The following CAPN2 variants were observed in gnomAD, a reference collection of about 807,000 sequenced individuals.
The protein encoded by CAPN2 is calpain-2 catalytic subunit.
Under a neutral mutation model 102.3 loss-of-function variants are expected in CAPN2, and 92 were observed. The ratio of observed to expected loss-of-function variants is 0.90; its 90% CI spans 0.76 to 1.07. CAPN2 has a LOEUF of 1.07. Ranked by LOEUF, CAPN2 falls within the 50% of genes least tolerant of loss-of-function variation. The pLI is 0.00. For missense variants in CAPN2, 800 were observed against 909.4 expected, an observed-to-expected ratio of 0.88 and a Z score of 1.55; for synonymous variants, 340 against 355.4, an observed-to-expected ratio of 0.96 and a Z score of 0.49.
chr1:223,758,928 G>A (rs979475588), intron 11 of CAPN2: 9 of 330,142 alleles, frequency 2.7e-5, no homozygotes, highest in East Asian at 7.4e-5. Flanking sequence ...TCCTGGCCTC[G>A]AGCAATCCTC....
chr1:223,763,802 C>G (rs1019426265), intron 14 of CAPN2, among the ~76,000 whole-genome samples: 1 of 152,168 alleles, frequency 6.6e-6, no homozygotes. Flanking sequence ...AGGCTGGGCA[C>G]AGTGGCTCAC....
At chr1:223,720,315 C>CTCTCTTTTTTTTTTT in intron 2 of CAPN2, among the ~76,000 whole-genome samples, 1 of 107,490 alleles carries the variant, frequency 9.3e-6, no homozygotes, top group South Asian at 3.0e-4. Flanking sequence ...CTCTTTCTCT[C>CTCTCTTTTTTTTTTT]TTTTTTTTTT....
chr1:223,773,634 C>T (rs1007291327), intron 20 of CAPN2, among the ~76,000 whole-genome samples: 6 of 152,028 alleles, frequency 3.9e-5, no homozygotes, highest in Middle Eastern at 3.4e-3. Context: ...GCGGAGGTTG[C>T]GGCGAGCTGA....
intron 4 of CAPN2, 109 bp downstream of exon 4, chr1:223,745,548 A>C: frequency 7.8e-7 from 1 of 1,286,634 alleles, no homozygotes; most frequent in Non-Finnish European, 1.1e-6. Context: ...AGGTGGGTGG[A>C]TCATTTGAGG....
intron 16 of CAPN2, among the ~76,000 whole-genome samples, chr1:223,767,202 A>G (rs61824002): frequency 0.21 from 32,482 of 151,612 alleles, 3,666 homozygotes; most frequent in Non-Finnish European, 0.25. Flanking sequence ...ATTTTTTATT[A>G]TTATACTTTA....
At chr1:223,702,105 A>AGAAGGAAGGAAGGAAG (rs372361537) in intron 1 of CAPN2, among the ~76,000 whole-genome samples, 1,848 of 84,472 alleles carry the variant, frequency 0.022, 81 homozygotes, top group African/African-American at 0.075. Context: ...AAAGAAGGAA[A>AGAAGGAAGGAAGGAAG]GAAGGAAGGA....
Position 223,725,691 on chromosome 1 carries a change from G to A in CAPN2, c.307+7860G>A, listed in dbSNP as rs142148859. ...AGGTGGTGTCCCAGGGGGAAGGTCC[G>A]GAAACTCAGAGGAGTTTCCTGCTGT... On this transcript the variant is annotated intron_variant, in intron 2 of 20. Coordinates refer to ENST00000295006, the MANE Select transcript of CAPN2 (RefSeq NM_001748.5). This position sits in a 1 kb window ranked among gnomAD's most constrained non-coding sequence, Gnocchi z 4.1. 7.4e-4 allele frequency among the ~76,000 whole-genome samples: 112 copies of A among 152,216 alleles called. No homozygotes were observed. The highest frequency in any genetic ancestry group is 1.8e-3 in the Admixed American group (27 of 15,296).
At position 223,775,828 on chromosome 1, in the gene CAPN2, T is replaced by A. The variant is rs1661606014; in HGVS notation, c.*971T>A. The A allele has an allele frequency of 6.6e-6, 1 of 152,626 alleles. No homozygotes were observed. Among genetic ancestry groups the A allele is most frequent in the Admixed American group, 6.5e-5 (1 of 15,274 alleles). The allele number at this position is 152,626 out of a possible 1,614,324, so 9.5% of individuals were successfully genotyped here. ...GTACTGTTAAATAAAAATAAAGGGTTACCCCATGCAATCACACCATGCCAT... is the reference window on the plus strand; with the variant it reads ...GTACTGTTAAATAAAAATAAAGGGTAACCCCATGCAATCACACCATGCCAT... On this transcript the variant is annotated 3_prime_UTR_variant, in exon 21 of 21. Coordinates refer to ENST00000295006, the MANE Select transcript of CAPN2 (RefSeq NM_001748.5).
chr1:223,715,078 T>C (rs941077729), intron 1 of CAPN2, among the ~76,000 whole-genome samples: 1 of 152,188 alleles, frequency 6.6e-6, no homozygotes, highest in African/African-American at 2.4e-5. Flanking sequence ...AGTCTGTGCA[T>C]GTTGAGCCTA....
At position 223,755,686 on chromosome 1, in the gene CAPN2, T is replaced by G. The variant is rs769453266; in HGVS notation, c.1305+37T>G. On this transcript the variant is annotated intron_variant, in intron 10 of 20. Transcript: ENST00000295006. The surrounding 1 kb of genome is among the most constrained non-coding windows in gnomAD (Gnocchi z 4.1). ...AGGGGCTCCTGCCCTCCCTTCCCCATGTGTTCATCTCAGCCCCTGCATGGA... is the reference window on the plus strand; with the variant it reads ...AGGGGCTCCTGCCCTCCCTTCCCCAGGTGTTCATCTCAGCCCCTGCATGGA... 26 of 1,520,400 alleles carry G rather than the reference T, an allele frequency of 1.7e-5. No homozygotes were observed. Among genetic ancestry groups the G allele is most frequent in the Non-Finnish European group, 2.2e-5 (25 of 1,131,874 alleles). The allele number at this position is 1,520,400 out of a possible 1,614,324, so 94.2% of individuals were successfully genotyped here. A position where few individuals can be genotyped will look rare whatever the true frequency, so the allele number is the denominator to read the frequency against.
chr1:223,744,516 A>G (rs1442808029), intron 3 of CAPN2, among the ~76,000 whole-genome samples: 2 of 152,100 alleles, frequency 1.3e-5, no homozygotes, highest in African/African-American at 2.4e-5. Context: ...GATGTTTGAG[A>G]CAAAAACGTT....
At chr1:223,763,792 A>G (rs1661245079) in intron 14 of CAPN2, among the ~76,000 whole-genome samples, 1 of 152,198 alleles carries the variant, frequency 6.6e-6, no homozygotes, top group South Asian at 2.1e-4. Context: ...CACCGTATCT[A>G]GGCTGGGCAC....
At chr1:223,751,001 C>T (rs1005326357) in intron 7 of CAPN2, 26 bp downstream of exon 7, 5 of 1,538,710 alleles carry the variant, frequency 3.2e-6, no homozygotes, top group Non-Finnish European at 4.4e-6. Flanking sequence ...GCCTCGGGGC[C>T]CCAGGCGGGG....
intron 20 of CAPN2, chr1:223,772,448 G>A (rs1661507545): frequency 5.6e-6 from 3 of 535,696 alleles, no homozygotes; most frequent in East Asian, 2.9e-5. Flanking sequence ...CAAAATGCAC[G>A]CCTGGCTCCC....
intron 2 of CAPN2, among the ~76,000 whole-genome samples, chr1:223,724,422 G>A (rs1423117205): frequency 6.6e-6 from 1 of 152,200 alleles, no homozygotes; most frequent in Admixed American, 6.5e-5. Context: ...TTCTAGTGAT[G>A]ATGGAAACCG....
At chr1:223,744,276 C>A in intron 3 of CAPN2, 58 bp downstream of exon 3, 2 of 1,123,246 alleles carry the variant, frequency 1.8e-6, no homozygotes, top group South Asian at 1.2e-5. Context: ...TAGGAACAGT[C>A]TTCTGGCTTG....
chr1:223,761,473 C>G (rs971077310), intron 12 of CAPN2, 108 bp from the exon 13 acceptor site: 1 of 856,086 alleles, frequency 1.2e-6, no homozygotes, highest in Non-Finnish European at 1.9e-6. Context: ...TGCCCCACCC[C>G]ACCTACCCCC....
chr1:223,733,108 C>T (rs1571792307), intron 2 of CAPN2, among the ~76,000 whole-genome samples: 1 of 152,154 alleles, frequency 6.6e-6, no homozygotes, highest in African/African-American at 2.4e-5. Context: ...CCTGCCCACA[C>T]ACCTCCTGTC....
Position 223,745,292 on chromosome 1 carries a change from C to G in CAPN2, c.427-14C>G, listed in dbSNP as rs1192187805. 1.2e-6 allele frequency: 2 copies of G among 1,614,136 alleles called. No homozygotes were observed. Among genetic ancestry groups the G allele is most frequent in the Non-Finnish European group, 1.7e-6 (2 of 1,180,016 alleles). On this transcript the variant is annotated splice_polypyrimidine_tract_variant and intron_variant, in intron 3 of 20. Transcript: ENST00000295006. The stretch of plus-strand genomic sequence containing the variant: ...CACCAGCTCCTCCTGCAGCCCACCT[C>G]TCTTGTTCTGCAGTTCTGGCAATAC...
Sources: gnomAD v4.1 joint callset for allele counts (sites outside exome capture counted in the v4.1 genomes callset) on GRCh38, gnomAD v4.1.1 for gene constraint, Gnocchi (gnomAD v3.1) non-coding constraint, MANE v1.5 for transcripts, NCBI Gene and HGNC (gene_info 2026-07-23, HGNC 2026-07-21) for gene names.